The following ZMYM4 variants were observed in gnomAD, a reference collection of about 807,000 sequenced individuals.
ZMYM4 encodes zinc finger MYM-type protein 4.
ZMYM4 carries 31 observed loss-of-function variants against 183.2 expected under a neutral mutation model. The observed-to-expected ratio is 0.17, with a 90% CI of 0.13 to 0.23. The LOEUF (loss-of-function observed/expected upper bound fraction) is 0.23, where lower values mean the gene tolerates loss of function less well. ZMYM4 is among the 10% of genes least tolerant of loss of function. ZMYM4 has a pLI of 1.00. For missense variants in ZMYM4, 1,273 were observed against 1,840.3 expected (o/e 0.69, Z 5.64); for synonymous variants, 592 against 631.2 (o/e 0.94, Z 0.93).
At chr1:35,363,474 A>G (rs1446327820) in intron 5 of ZMYM4, among the ~76,000 whole-genome samples, 1 of 152,168 alleles carries the variant, frequency 6.6e-6, no homozygotes, top group Non-Finnish European at 1.5e-5. Flanking sequence ...AAAATGATCT[A>G]TTGAGAACCA....
chr1:35,403,815 T>G (rs917119402), intron 23 of ZMYM4, among the ~76,000 whole-genome samples: 2 of 152,228 alleles, frequency 1.3e-5, no homozygotes, highest in East Asian at 3.8e-4. Context: ...TTAATCCATC[T>G]GGGAATAGAG....
chr1:35,363,632 G>A (rs1345879121), intron 5 of ZMYM4, among the ~76,000 whole-genome samples: 2 of 151,326 alleles, frequency 1.3e-5, no homozygotes, highest in East Asian at 3.9e-4. Flanking sequence ...AAAGCTATAG[G>A]AGTTGGATGG....
intron 2 of ZMYM4, among the ~76,000 whole-genome samples, chr1:35,353,157 C>T (rs1643692669): frequency 1.3e-5 from 2 of 152,196 alleles, no homozygotes; most frequent in South Asian, 4.1e-4. Flanking sequence ...AATGCCTCTA[C>T]CTTCAAAATA....
intron 1 of ZMYM4, among the ~76,000 whole-genome samples, chr1:35,312,591 CT>C (rs1233502155): frequency 6.6e-6 from 1 of 152,088 alleles, no homozygotes; most frequent in East Asian, 1.9e-4. Flanking sequence ...GGTACTAGTA[CT>C]TTTTTTATTG....
chr1:35,418,322 G>GAGT (rs1640202742), intron 28 of ZMYM4, 121 bp from the exon 29 acceptor site: 2 of 1,031,398 alleles, frequency 1.9e-6, no homozygotes, highest in African/African-American at 3.3e-5. Context: ...GAATGAGTGT[G>GAGT]AGTGAGTGAA....
intron 13 of ZMYM4, among the ~76,000 whole-genome samples, chr1:35,388,236 G>A (rs1276833756): frequency 6.6e-6 from 1 of 151,992 alleles, no homozygotes; most frequent in Admixed American, 6.6e-5. Context: ...ACAGAGTCTT[G>A]CTTTGTCACC....
Position 35,325,443 on chromosome 1 carries a change from A to G in ZMYM4, c.85+38A>G, listed in dbSNP as rs112363313. On this transcript the variant is annotated intron_variant, in intron 2 of 29. Transcript: ENST00000314607. Reference sequence around the variant, plus strand: ...TGAGAAAAAACAATCATGTCTTTAGATAGAAAATGAATGTTAATCTAGATG... The same window carrying G: ...TGAGAAAAAACAATCATGTCTTTAGGTAGAAAATGAATGTTAATCTAGATG... The G allele has an allele frequency of 5.6e-5, 89 of 1,579,252 alleles. 3 individuals are homozygous for G. The highest frequency in any genetic ancestry group is 5.3e-4 in the African/African-American group (39 of 73,762).
chr1:35,405,403 C>G lies in ZMYM4; in HGVS notation c.3731C>G (p.Ser1244Cys), dbSNP rs1193065270. The G allele has an allele frequency of 6.2e-7, 1 of 1,613,510 alleles. No homozygotes were observed. Among genetic ancestry groups the G allele is most frequent in the Admixed American group, 1.7e-5 (1 of 59,920 alleles). ...GAACAGGCCTCATCTAGCCCACGTT[C>G]TGACCCCTTAGGAAGTACTCAAGAC... ...GVEQASSSPRSDPLGSTQDHA... is the reference protein window; with the variant it reads ...GVEQASSSPRCDPLGSTQDHA... Residue 1244 changes from serine (S) to cysteine (C), a missense_variant, in exon 25 of 30, where the codon TCT becomes TGT. Around this residue, in one of 6 missense-constraint regions of ZMYM4, gnomAD observed 133 missense variants for 155.7 expected, o/e 0.85. Coordinates refer to ENST00000314607, the MANE Select transcript of ZMYM4 (RefSeq NM_005095.3).
chr1:35,348,486 A>C lies in ZMYM4; in HGVS notation c.86-10439A>C, dbSNP rs483266. On this transcript the variant is annotated intron_variant, in intron 2 of 29. Coordinates refer to ENST00000314607, the MANE Select transcript of ZMYM4 (RefSeq NM_005095.3). ...GGTTCCTTAATGTGCCCATCCCTGC[A>C]ACTTGAAAGAAGACTAAATTATTAC... 8.7e-3 allele frequency among the ~76,000 whole-genome samples: 1,323 copies of C among 152,354 alleles called. 22 individuals are homozygous for C. The highest frequency in any genetic ancestry group is 0.026 in the African/African-American group (1,072 of 41,580).
chr1:35,317,917 CAA>C (rs1304147704), intron 1 of ZMYM4, among the ~76,000 whole-genome samples: 6 of 151,992 alleles, frequency 3.9e-5, no homozygotes, highest in Admixed American at 6.6e-5. Context: ...AATGTTGTAA[CAA>C]AGAGACGAAT....
At chr1:35,398,742 C>G (rs1644851320) in intron 21 of ZMYM4, 122 bp from the exon 22 acceptor site, 2 of 986,274 alleles carry the variant, frequency 2.0e-6, no homozygotes, top group Admixed American at 5.1e-5. Flanking sequence ...TTGAGTGTAC[C>G]TAGGTAATTG....
At position 35,351,340 on chromosome 1, in the gene ZMYM4, T is replaced by C. The variant is rs982408548; in HGVS notation, c.86-7585T>C. 24 of 1,564,942 alleles carry C rather than the reference T, an allele frequency of 1.5e-5. No homozygotes were observed. In the African/African-American group the frequency reaches 2.4e-4, roughly 16 times the overall value. On this transcript the variant is annotated intron_variant, in intron 2 of 29. Transcript: ENST00000314607. ...ATGGGCCAGAAAGTTGCAGATTACATGCACTACTTAATGAAAGAAGATGAA... is the reference window on the plus strand; with the variant it reads ...ATGGGCCAGAAAGTTGCAGATTACACGCACTACTTAATGAAAGAAGATGAA...
At position 35,405,431 on chromosome 1, in the gene ZMYM4, T is replaced by C. The variant is rs1020694155; in HGVS notation, c.3759T>C (p.His1253=). 1.2e-6 allele frequency: 2 copies of C among 1,612,888 alleles called. No homozygotes were observed. Among genetic ancestry groups the C allele is most frequent in the African/African-American group, 1.3e-5 (1 of 74,984 alleles). Reference sequence around the variant, plus strand: ...ACCCCTTAGGAAGTACTCAAGACCATGCACTCTCTCAAGAATCCTCAGAGC... The same window carrying C: ...ACCCCTTAGGAAGTACTCAAGACCACGCACTCTCTCAAGAATCCTCAGAGC... ...RSDPLGSTQD[H]ALSQESSEPG... is the part of the protein sequence containing the mutation. Residue 1253 remains histidine (H), a synonymous_variant, in exon 25 of 30, where the codon CAT becomes CAC. Coordinates refer to ENST00000314607, the MANE Select transcript of ZMYM4 (RefSeq NM_005095.3).
At chr1:35,293,613 G>A (rs760585125) in intron 1 of ZMYM4, among the ~76,000 whole-genome samples, 10 of 152,070 alleles carry the variant, frequency 6.6e-5, no homozygotes, top group African/African-American at 9.7e-5. Flanking sequence ...TCCTGCGCCC[G>A]GCTGTGGGTT....
chr1:35,395,733 T>G (rs1000326878), intron 18 of ZMYM4, among the ~76,000 whole-genome samples: 3 of 152,192 alleles, frequency 2.0e-5, no homozygotes, highest in Non-Finnish European at 2.9e-5. Flanking sequence ...AGCCTACAGT[T>G]GGGCAAAGTC....
intron 2 of ZMYM4, 82 bp from the exon 3 acceptor site, chr1:35,358,843 T>C (rs1643882728): frequency 1.7e-6 from 2 of 1,187,622 alleles, no homozygotes; most frequent in Non-Finnish European, 2.4e-6. Flanking sequence ...AAAATATTTA[T>C]TTGGTTAAAT....
Position 35,419,659 on chromosome 1 carries a change from T to C in ZMYM4, c.4629T>C (p.Asp1543=). Residue 1543 remains aspartate, a synonymous_variant, in exon 30 of 30, where the codon GAT becomes GAC. Coordinates refer to ENST00000314607, the MANE Select transcript of ZMYM4 (RefSeq NM_005095.3). ...CCAAAGCCAAATCTGAAGACTCTGATGTTGAATTATCAGATTAAAACGGAA... is the reference window on the plus strand; with the variant it reads ...CCAAAGCCAAATCTGAAGACTCTGACGTTGAATTATCAGATTAAAACGGAA... ...ELAKAKSEDS[D]VELSD 2 of 1,614,166 alleles carry C rather than the reference T, an allele frequency of 1.2e-6. No homozygotes were observed. The highest frequency in any genetic ancestry group is 1.7e-6 in the Non-Finnish European group (2 of 1,180,004).
At chr1:35,282,245 G>A (rs1640210413) in intron 1 of ZMYM4, among the ~76,000 whole-genome samples, 1 of 152,200 alleles carries the variant, frequency 6.6e-6, no homozygotes, top group South Asian at 2.1e-4. Flanking sequence ...GAGGTGTTTG[G>A]ATAGTGGGGA....
chr1:35,394,132 C>T (rs1336940791), intron 18 of ZMYM4, among the ~76,000 whole-genome samples: 1 of 139,394 alleles, frequency 7.2e-6, no homozygotes, highest in Non-Finnish European at 1.5e-5. Context: ...CAAATGAAGT[C>T]AGTTCCTTTG....
Sources: allele counts gnomAD v4.1 joint callset (sites outside exome capture counted in the v4.1 genomes callset), GRCh38; gene constraint gnomAD v4.1.1; regional missense constraint gnomAD v4.1.1; transcripts MANE v1.5; gene names NCBI Gene and HGNC (gene_info 2026-07-23, HGNC 2026-07-21).